Variants in INPP5A observed in about 807,000 individuals in gnomAD.
INPP5A encodes the protein inositol polyphosphate-5-phosphatase A, also known as 43 kDa inositol polyphosphate 5-phophatase.
A neutral mutation model predicts 65.2 loss-of-function variants in INPP5A; 14 were observed. The ratio of observed to expected loss-of-function variants is 0.21; its 90% confidence interval spans 0.14 to 0.34. INPP5A has a LOEUF of 0.34. Ranked by LOEUF, INPP5A falls within the 10% of genes least tolerant of loss-of-function variation. The probability of loss-of-function intolerance (pLI) is 1.00; values close to 1 mark genes in which losing one functional copy is unlikely to be tolerated. For missense variants in INPP5A, 431 were observed against 545.6 expected (o/e 0.79, Z 2.09); for synonymous variants, 207 against 208.3 (o/e 0.99, Z 0.05).
chr10:132,560,337 T>C (rs2071187076), intron 1 of INPP5A, among the ~76,000 whole-genome samples: 1 of 152,214 alleles, frequency 6.6e-6, no homozygotes, highest in South Asian at 2.1e-4. Context: ...TTTAAGGAAC[T>C]GCCAGACTCT....
intron 11 of INPP5A, among the ~76,000 whole-genome samples, chr10:132,751,444 A>G (rs1846474892): frequency 6.6e-6 from 1 of 152,196 alleles, no homozygotes; most frequent in Admixed American, 6.5e-5. Flanking sequence ...TCAAGCCTCC[A>G]GGGCCTGGTG....
At chr10:132,724,382 T>C (rs1269008919) in intron 8 of INPP5A, among the ~76,000 whole-genome samples, 3 of 152,132 alleles carry the variant, frequency 2.0e-5, no homozygotes, top group African/African-American at 7.2e-5. Flanking sequence ...AACTCTACCA[T>C]AAAGATGAAG....
Position 132,685,609 on chromosome 10 carries a change from A to G in INPP5A, c.307-4783A>G, listed in dbSNP as rs554173360. The stretch of plus-strand genomic sequence containing the variant: ...CCATCTGACTTGTTTGCAAATAAAA[A>G]GTGATGGAGGCATTTCCAATGGCAG... On this transcript the variant is annotated intron_variant, in intron 4 of 15. Transcript: ENST00000368594. Among the ~76,000 whole-genome samples, 65 of 152,358 alleles carry G rather than the reference A, an allele frequency of 4.3e-4. 1 individual carries two copies. Among genetic ancestry groups the G allele is most frequent in the African/African-American group, 1.5e-3 (63 of 41,586 alleles).
rs1248623752 is a variant in INPP5A at position 132,551,002 on chromosome 10, G to C, written c.75+12831G>C. On this transcript the variant is annotated intron_variant, in intron 1 of 15. Transcript: ENST00000368594. This position sits in a 1 kb window ranked among gnomAD's most constrained non-coding sequence, Gnocchi z 5.3. ...AGGCCACCTGGAAAGGGGTCCACCTGAAAGGGGCTGCACTGTGGTCCATTT... is the reference window on the plus strand; with the variant it reads ...AGGCCACCTGGAAAGGGGTCCACCTCAAAGGGGCTGCACTGTGGTCCATTT... 2.0e-5 allele frequency among the ~76,000 whole-genome samples: 3 copies of C among 152,230 alleles called. No homozygotes were observed. Among genetic ancestry groups the C allele is most frequent in the Non-Finnish European group, 4.4e-5 (3 of 68,048 alleles).
At chr10:132,677,480 G>A (rs577800195) in intron 4 of INPP5A, among the ~76,000 whole-genome samples, 6 of 152,326 alleles carry the variant, frequency 3.9e-5, no homozygotes, top group Non-Finnish European at 7.3e-5. Context: ...TCCTTAGACC[G>A]GCCAATGACT....
At chr10:132,654,586 A>C (rs1419961030) in intron 4 of INPP5A, among the ~76,000 whole-genome samples, 1 of 152,148 alleles carries the variant, frequency 6.6e-6, no homozygotes, top group Admixed American at 6.5e-5. Context: ...CAGCCAGACA[A>C]TCACCCTCCT....
intron 11 of INPP5A, among the ~76,000 whole-genome samples, chr10:132,754,142 G>A (rs1056518608): frequency 1.3e-5 from 2 of 152,174 alleles, no homozygotes; most frequent in African/African-American, 2.4e-5. Context: ...GACATGCCAG[G>A]ACCCTCCCGC....
At chr10:132,561,226 C>G (rs2071201165) in intron 1 of INPP5A, among the ~76,000 whole-genome samples, 1 of 57,974 alleles carries the variant, frequency 1.7e-5, no homozygotes, top group Admixed American at 1.8e-4. Flanking sequence ...CCACACCTGG[C>G]TAGTTTTTTT....
intron 1 of INPP5A, among the ~76,000 whole-genome samples, chr10:132,543,678 A>G (rs1400518973): frequency 6.6e-6 from 1 of 152,260 alleles, no homozygotes; most frequent in Non-Finnish European, 1.5e-5. Context: ...TTGGCCTCCC[A>G]AAGTGCTGGG....
intron 13 of INPP5A, 96 bp from the exon 14 acceptor site, chr10:132,780,753 G>A (rs1847146163): frequency 2.0e-6 from 2 of 981,364 alleles, no homozygotes; most frequent in South Asian, 1.3e-5. Context: ...CCATCTCTCT[G>A]CCCCCACAAA....
rs188589225 is a variant in INPP5A, at chr10:132,661,983, A to G, written c.306+11478A>G. Among the ~76,000 whole-genome samples the G allele has an allele frequency of 1.6e-4, 24 of 152,312 alleles. No homozygotes were observed. The East Asian group carries it at 3.7e-3, about 23-fold the overall frequency. On this transcript the variant is annotated intron_variant, in intron 4 of 15. Coordinates refer to ENST00000368594, the MANE Select transcript of INPP5A (RefSeq NM_005539.5). The stretch of plus-strand genomic sequence containing the variant: ...GGCCGTTTGCAAAAAACTCACTTCA[A>G]TTGTTACTTGAAACCACATGAAAAT...
At chr10:132,708,581 C>G in intron 7 of INPP5A, 1 of 684,178 alleles carries the variant, frequency 1.5e-6, no homozygotes, top group Non-Finnish European at 2.7e-6. Flanking sequence ...CATCTGGGTG[C>G]CCAGTGCCAA....
chr10:132,713,965 C>A (rs1019294067), intron 8 of INPP5A, among the ~76,000 whole-genome samples: 3 of 152,160 alleles, frequency 2.0e-5, no homozygotes, highest in Non-Finnish European at 4.4e-5. Flanking sequence ...GGGAGAAGGG[C>A]CTCACCCACA....
intron 8 of INPP5A, among the ~76,000 whole-genome samples, chr10:132,723,672 TGGCCG>T (rs1470707317): frequency 1.3e-5 from 2 of 151,174 alleles, no homozygotes; most frequent in African/African-American, 2.4e-5. Context: ...GTGTGGGGAT[TGGCCG>T]TGTGGGGATT....
At chr10:132,591,334 A>G (rs1356226194) in intron 1 of INPP5A, among the ~76,000 whole-genome samples, 3 of 151,334 alleles carry the variant, frequency 2.0e-5, no homozygotes, top group Non-Finnish European at 4.4e-5. Flanking sequence ...GAACTTTAGA[A>G]TCACCTTGTC....
chr10:132,562,057 C>T (rs764989163), intron 1 of INPP5A, among the ~76,000 whole-genome samples: 17 of 152,382 alleles, frequency 1.1e-4, no homozygotes, highest in Non-Finnish European at 2.1e-4. Flanking sequence ...AAACACAAAA[C>T]ATCAGGTGGT....
At chr10:132,591,057 G>A (rs991087945) in intron 1 of INPP5A, among the ~76,000 whole-genome samples, 4 of 152,212 alleles carry the variant, frequency 2.6e-5, no homozygotes, top group East Asian at 3.9e-4. Context: ...CATGTATGAC[G>A]CCATTTGGGG....
intron 4 of INPP5A, among the ~76,000 whole-genome samples, chr10:132,664,130 G>T (rs909638597): frequency 2.0e-5 from 3 of 152,214 alleles, no homozygotes; most frequent in African/African-American, 7.2e-5. Context: ...TTAGCTTGTT[G>T]TTCTGTTCAT....
At chr10:132,597,134 C>T (rs2071712999) in intron 1 of INPP5A, among the ~76,000 whole-genome samples, 1 of 151,510 alleles carries the variant, frequency 6.6e-6, no homozygotes, top group Non-Finnish European at 1.5e-5. Flanking sequence ...TGCACGTGTG[C>T]ATGTGTGCAT....
Sources: gnomAD v4.1 joint callset for allele counts (sites outside exome capture counted in the v4.1 genomes callset) on GRCh38, gnomAD v4.1.1 for gene constraint, Gnocchi (gnomAD v3.1) non-coding constraint, MANE v1.5 for transcripts, NCBI Gene and HGNC (gene_info 2026-07-23, HGNC 2026-07-21) for gene names.